SGCD: variants seen among roughly 807,000 people sequenced by gnomAD.
SGCD encodes delta-sarcoglycan.
In SGCD, 18 loss-of-function variants were observed where a neutral mutation model predicts 36.6. The ratio of observed to expected loss-of-function variants is 0.49; its 90% confidence interval spans 0.34 to 0.73. The LOEUF is 0.73. Ranked by LOEUF, SGCD falls within the 30% of genes least tolerant of loss-of-function variation. The pLI, the probability that SGCD is intolerant of heterozygous loss-of-function variation, is 0.01. For missense variants in SGCD, 387 were observed against 346.7 expected (o/e 1.12, Z -0.92); for synonymous variants, 133 against 130.6 (o/e 1.02, Z -0.12).
At chr5:156,446,845 A>G (rs1753774610) in intron 3 of SGCD, among the ~76,000 whole-genome samples, 1 of 152,188 alleles carries the variant, frequency 6.6e-6, no homozygotes, top group South Asian at 2.1e-4. Flanking sequence ...AGAATTTTAG[A>G]ATTGGAAGAT....
chr5:156,703,005 T>G (rs1754586518), intron 7 of SGCD, among the ~76,000 whole-genome samples: 1 of 152,222 alleles, frequency 6.6e-6, no homozygotes, highest in Non-Finnish European at 1.5e-5. Flanking sequence ...TCCTATAATA[T>G]AAGCCACTGC....
chr5:156,472,377 A>G (rs1178125666), intron 3 of SGCD, among the ~76,000 whole-genome samples: 1 of 152,204 alleles, frequency 6.6e-6, no homozygotes. Context: ...ATTCCTACTC[A>G]CCAATAAAAA....
At chr5:156,035,743 C>T (rs556932100) in intron 1 of SGCD, among the ~76,000 whole-genome samples, 3 of 152,164 alleles carry the variant, frequency 2.0e-5, no homozygotes, top group Non-Finnish European at 4.4e-5. Flanking sequence ...GTGACTACTT[C>T]CTGTTAACTT....
chr5:156,614,095 C>T (rs564057924), intron 6 of SGCD, among the ~76,000 whole-genome samples: 33 of 152,092 alleles, frequency 2.2e-4, no homozygotes, highest in Non-Finnish European at 4.3e-4. Context: ...TACAGGTACG[C>T]ACCATCACAC....
At chr5:155,733,281 A>C in the SGCD span, among the ~76,000 whole-genome samples, 1 of 152,140 alleles carries the variant, frequency 6.6e-6, no homozygotes, top group Admixed American at 6.5e-5. Flanking sequence ...CTCATTCTGC[A>C]AGTAAAAAGG....
At chr5:156,389,524 G>C (rs932899937) in intron 3 of SGCD, among the ~76,000 whole-genome samples, 2 of 152,168 alleles carry the variant, frequency 1.3e-5, no homozygotes, top group Non-Finnish European at 2.9e-5. Context: ...ACCAGGGATC[G>C]GTTTCATGGA....
At chr5:156,254,672 G>C (rs909435917) in intron 3 of SGCD, among the ~76,000 whole-genome samples, 3 of 152,040 alleles carry the variant, frequency 2.0e-5, no homozygotes, top group Non-Finnish European at 4.4e-5. Flanking sequence ...AACATAGCGA[G>C]ACTCCATCTC....
At chr5:156,393,469 C>T (rs1271402714) in intron 3 of SGCD, among the ~76,000 whole-genome samples, 1 of 152,132 alleles carries the variant, frequency 6.6e-6, no homozygotes, top group Non-Finnish European at 1.5e-5. Context: ...AATAAATACT[C>T]AAAACTCATT....
intron 4 of SGCD, among the ~76,000 whole-genome samples, chr5:156,541,147 C>T (rs548199702): frequency 1.3e-5 from 2 of 152,090 alleles, no homozygotes; most frequent in Admixed American, 6.6e-5. Context: ...TGTCTATGCT[C>T]AAAGAGTAGG....
the SGCD span, among the ~76,000 whole-genome samples, chr5:155,793,162 A>G: frequency 2.0e-5 from 3 of 152,210 alleles, no homozygotes; most frequent in Admixed American, 2.0e-4. Flanking sequence ...AACAGAAAAC[A>G]AAATACTGCA....
chr5:156,177,156 C>G (rs936384943), intron 3 of SGCD, among the ~76,000 whole-genome samples: 10 of 152,044 alleles, frequency 6.6e-5, no homozygotes, highest in Non-Finnish European at 2.9e-5. Flanking sequence ...TACACGCCAC[C>G]ATGCCCAGCT....
chr5:155,848,057 T>C, the SGCD span, among the ~76,000 whole-genome samples: 2 of 152,122 alleles, frequency 1.3e-5, no homozygotes, highest in African/African-American at 4.8e-5. Flanking sequence ...TTTTAGATGA[T>C]TGAATGAATA....
intron 3 of SGCD, among the ~76,000 whole-genome samples, chr5:156,463,864 G>A (rs1035351111): frequency 6.6e-6 from 1 of 152,068 alleles, no homozygotes; most frequent in African/African-American, 2.4e-5. Context: ...GCATGGACAG[G>A]AGGATTGCTT....
chr5:155,807,322 T>C, the SGCD span, among the ~76,000 whole-genome samples: 2 of 152,242 alleles, frequency 1.3e-5, no homozygotes, highest in Admixed American at 1.3e-4. Flanking sequence ...TTTCCTTTGG[T>C]TGGTTTTTCC....
At chr5:156,529,722 T>C (rs1757805351) in intron 4 of SGCD, among the ~76,000 whole-genome samples, 1 of 152,178 alleles carries the variant, frequency 6.6e-6, no homozygotes, top group Non-Finnish European at 1.5e-5. Flanking sequence ...TGAAAAAACT[T>C]TTTTGCCATA....
Position 156,722,131 on chromosome 5 carries a change from G to A in SGCD, c.576-35450G>A, listed in dbSNP as rs116778925. On this transcript the variant is annotated intron_variant, in intron 7 of 8. Transcript: ENST00000337851. ...CTGGCGAAGTAATTTAGGAAGGAAC[G>A]CCATTCTGCTGACTAACTCAGAAGC... 4.1e-3 allele frequency among the ~76,000 whole-genome samples: 619 copies of A among 152,262 alleles called. 2 individuals are homozygous for A. Among genetic ancestry groups the A allele is most frequent in the African/African-American group, 0.013 (557 of 41,552 alleles).
At chr5:156,349,392 AAAC>A (rs1214156242) in intron 3 of SGCD, among the ~76,000 whole-genome samples, 2 of 150,854 alleles carry the variant, frequency 1.3e-5, no homozygotes, top group Non-Finnish European at 2.9e-5. Flanking sequence ...AAGGAACTCT[AAAC>A]AAGAAAAAAA....
intron 4 of SGCD, among the ~76,000 whole-genome samples, chr5:156,516,423 G>A (rs1432440524): frequency 6.6e-6 from 1 of 152,198 alleles, no homozygotes; most frequent in East Asian, 1.9e-4. Flanking sequence ...AACTGCAGCA[G>A]CTGTACAGAA....
chr5:155,797,832 A>G, the SGCD span, among the ~76,000 whole-genome samples: 1 of 152,200 alleles, frequency 6.6e-6, no homozygotes, highest in Non-Finnish European at 1.5e-5. Flanking sequence ...CCACCTTTGC[A>G]AGTGGAAATA....
Sources: gnomAD v4.1 joint callset for allele counts (sites outside exome capture counted in the v4.1 genomes callset) on GRCh38, gnomAD v4.1.1 for gene constraint, MANE v1.5 for transcripts, NCBI Gene and HGNC (gene_info 2026-07-23, HGNC 2026-07-21) for gene names.